BANP: variants seen among roughly 807,000 people sequenced by gnomAD.
BANP encodes the protein protein BANP.
A neutral mutation model predicts 68.1 loss-of-function variants in BANP; 11 were observed. That is an observed-to-expected ratio of 0.16 (90% CI 0.10 to 0.27). BANP has a LOEUF of 0.27. BANP is among the 10% of genes least tolerant of loss of function. BANP has a pLI of 1.00. For missense variants in BANP, 504 were observed against 722.7 expected (o/e 0.70, Z 3.47); for synonymous variants, 329 against 303.2 (o/e 1.09, Z -0.88).
intron 4 of BANP, among the ~76,000 whole-genome samples, chr16:87,985,402 T>TC (rs1313856014): frequency 6.6e-6 from 1 of 152,046 alleles, no homozygotes; most frequent in Non-Finnish European, 1.5e-5. Flanking sequence ...CTCACGTGTC[T>TC]CCCCCCAGCA....
rs148484240 is a variant in BANP, at chr16:87,980,047, A to G, written c.71-989A>G. ...CTGTTGATGAGGCAGATGGTCTCGC[A>G]CCTCCCACATGTATGCCGTTTGTTT... On this transcript the variant is annotated intron_variant, in intron 2 of 13. Coordinates refer to ENST00000682872, the MANE Select transcript of BANP (RefSeq NM_001386991.1). 4.2e-3 allele frequency among the ~76,000 whole-genome samples: 641 copies of G among 152,218 alleles called. 3 individuals are homozygous for G. Among genetic ancestry groups the G allele is most frequent in the Non-Finnish European group, 7.6e-3 (514 of 68,008 alleles).
rs567226276 is a variant in BANP, at chr16:88,071,832, C to T, written c.1378-237C>T. ...TTTCTGCTCTGTAGGTGCTTGAGGG[C>T]GGAGTTGCAGATCCAGCAGAGACTC... On this transcript the variant is annotated intron_variant, in intron 12 of 13. Coordinates refer to ENST00000682872, the MANE Select transcript of BANP (RefSeq NM_001386991.1). This position sits in a 1 kb window ranked among gnomAD's most constrained non-coding sequence, Gnocchi z 6.5. The T allele has an allele frequency of 5.9e-5, 41 of 696,674 alleles. No homozygotes were observed. The highest frequency in any genetic ancestry group is 1.6e-4 in the African/African-American group (9 of 56,564). The allele number at this position is 696,674 out of a possible 1,614,324, so 43.2% of individuals were successfully genotyped here. A position where few individuals can be genotyped will look rare whatever the true frequency, so the allele number is the denominator to read the frequency against.
chr16:88,041,157 C>G (rs186665753), intron 11 of BANP, among the ~76,000 whole-genome samples: 1 of 152,380 alleles, frequency 6.6e-6, no homozygotes, highest in East Asian at 1.9e-4. Flanking sequence ...ATGATTGTTG[C>G]TATTACTTCT....
At chr16:87,959,325 TCA>T (rs2058674724) in intron 1 of BANP, among the ~76,000 whole-genome samples, 1 of 152,262 alleles carries the variant, frequency 6.6e-6, no homozygotes, top group Non-Finnish European at 1.5e-5. Flanking sequence ...CATTCCTGGC[TCA>T]CAGGCTGCAT....
chr16:88,054,078 C>A (rs1396182516), intron 11 of BANP, among the ~76,000 whole-genome samples: 1 of 99,878 alleles, frequency 1.0e-5, no homozygotes, highest in East Asian at 2.3e-4. Context: ...CCACCTTCAC[C>A]ACCACCTCTA....
chr16:88,055,156 C>T (rs2084672001), intron 11 of BANP, among the ~76,000 whole-genome samples: 1 of 150,672 alleles, frequency 6.6e-6, no homozygotes, highest in Non-Finnish European at 1.5e-5. Context: ...GCTAATGTTA[C>T]CTAAGATGTG....
chr16:87,960,577 C>T (rs2058952717), intron 1 of BANP, among the ~76,000 whole-genome samples: 2 of 152,164 alleles, frequency 1.3e-5, no homozygotes, highest in African/African-American at 2.4e-5. Flanking sequence ...CAGTTTCTCC[C>T]GTTGCTAACA....
chr16:88,037,294 G>A (rs888943160), intron 10 of BANP: 3 of 152,064 alleles, frequency 2.0e-5, no homozygotes, highest in South Asian at 2.1e-4. Flanking sequence ...ATTGTCTTTC[G>A]TTTTCAATAG....
chr16:87,975,616 CCT>C (rs67627929), intron 2 of BANP, among the ~76,000 whole-genome samples: 29,016 of 115,556 alleles, frequency 0.25, 5,168 homozygotes, highest in Non-Finnish European at 0.38. Flanking sequence ...TGTGTAATCC[CCT>C]GTGTGCGGCG....
intron 6 of BANP, among the ~76,000 whole-genome samples, chr16:88,008,485 C>T (rs1221550570): frequency 2.6e-5 from 4 of 152,062 alleles, no homozygotes; most frequent in African/African-American, 9.7e-5. Context: ...ATCTGGCCAC[C>T]CCCTTCAGGC....
In BANP at chr16:88,065,452, A is replaced by G; in HGVS notation, c.1377+120A>G. 1.5e-5 allele frequency: 9 copies of G among 616,978 alleles called. No individual in the cohort carries two copies. In the South Asian group the frequency reaches 1.8e-4, roughly 12 times the overall value. 38.2% of individuals were successfully genotyped at this position (616,978 alleles called of 1,614,324 possible). On this transcript the variant is annotated intron_variant, in intron 12 of 13. Transcript: ENST00000682872. ...CCATCCAGGGTCATCTCACCACGTGAGGGTGATCAGTTGAGCCACATCTGT... is the reference window on the plus strand; with the variant it reads ...CCATCCAGGGTCATCTCACCACGTGGGGGTGATCAGTTGAGCCACATCTGT...
At chr16:88,022,469 T>C (rs1264913035) in intron 7 of BANP, among the ~76,000 whole-genome samples, 2 of 152,184 alleles carry the variant, frequency 1.3e-5, no homozygotes, top group Non-Finnish European at 2.9e-5. Flanking sequence ...TGTCAGATGA[T>C]TGTAGTTCTT....
At chr16:88,030,230 G>T (rs1318304138) in intron 8 of BANP, among the ~76,000 whole-genome samples, 7 of 152,220 alleles carry the variant, frequency 4.6e-5, no homozygotes, top group African/African-American at 1.4e-4. Flanking sequence ...GCAGGAGATT[G>T]TGACCTATGA....
At chr16:87,961,381 C>G (rs1277830459) in intron 1 of BANP, among the ~76,000 whole-genome samples, 3 of 149,112 alleles carry the variant, frequency 2.0e-5, no homozygotes, top group Non-Finnish European at 3.0e-5. Context: ...CCGGGTTGGT[C>G]TCGAACTCCT....
chr16:87,998,047 G>A (rs140815769), intron 4 of BANP, among the ~76,000 whole-genome samples: 12 of 152,256 alleles, frequency 7.9e-5, no homozygotes, highest in East Asian at 3.9e-4. Flanking sequence ...CTTTGCTTTC[G>A]GCACGCAGAG....
At chr16:88,033,425 A>C (rs1190369233) in intron 9 of BANP, among the ~76,000 whole-genome samples, 180 bp downstream of exon 9, 2 of 152,068 alleles carry the variant, frequency 1.3e-5, no homozygotes, top group Non-Finnish European at 2.9e-5. Context: ...AACATTTCAC[A>C]GGTGGGGGCG....
At chr16:88,070,575 C>G (rs1384988258) in intron 12 of BANP, among the ~76,000 whole-genome samples, 2 of 152,150 alleles carry the variant, frequency 1.3e-5, no homozygotes, top group Non-Finnish European at 2.9e-5. Context: ...GGTTGCCAGG[C>G]TTGTCTGCAA....
rs555515409 is a variant in BANP, at chr16:88,004,909, G to A, written c.479+498G>A. On this transcript the variant is annotated intron_variant, in intron 5 of 13. Transcript: ENST00000682872. This position sits in a 1 kb window ranked among gnomAD's most constrained non-coding sequence, Gnocchi z 7.0. The stretch of plus-strand genomic sequence containing the variant: ...GGACAGAAGACACCGTCCCCGCTCT[G>A]TGTGAGGGGAAGGCTGTGCAGTGGC... Among the ~76,000 whole-genome samples the A allele has an allele frequency of 3.3e-5, 5 of 152,324 alleles. No individual in the cohort carries two copies. The East Asian group carries it at 7.7e-4, about 23-fold the overall frequency.
intron 3 of BANP, among the ~76,000 whole-genome samples, chr16:87,983,462 C>T (rs1598087750): frequency 6.6e-6 from 1 of 152,108 alleles, no homozygotes; most frequent in East Asian, 1.9e-4. Context: ...CACGTGACTG[C>T]TCACTGGTTA....
Sources: gnomAD v4.1 joint callset for allele counts (sites outside exome capture counted in the v4.1 genomes callset) on GRCh38, gnomAD v4.1.1 for gene constraint, Gnocchi (gnomAD v3.1) non-coding constraint, MANE v1.5 for transcripts, NCBI Gene and HGNC (gene_info 2026-07-23, HGNC 2026-07-21) for gene names.